Variants in ROR1 observed in about 807,000 individuals in gnomAD.
ROR1 encodes ROR family WNT receptor 1.
In ROR1, 19 loss-of-function variants were observed where a neutral mutation model predicts 78.8. The ratio of observed to expected loss-of-function variants is 0.24; its 90% CI spans 0.17 to 0.35. The LOEUF is 0.35. ROR1 is among the 10% of genes least tolerant of loss of function. ROR1 has a pLI of 1.00. For synonymous variants in ROR1, 386 were observed against 433.6 expected (o/e 0.89, Z 1.36); for missense variants, 917 against 1,177.8 (o/e 0.78, Z 3.24).
At chr1:63,926,418 A>G (rs548946714) in intron 1 of ROR1, among the ~76,000 whole-genome samples, 1 of 152,280 alleles carries the variant, frequency 6.6e-6, no homozygotes, top group Admixed American at 6.5e-5. Context: ...GTAGCCTTGT[A>G]GTATAGTTTG....
rs559772334 is a variant in ROR1, at chr1:64,173,184, G to A, written c.1387-4244G>A. On this transcript the variant is annotated intron_variant, in intron 8 of 8. Transcript: ENST00000371079. ...TTTGCTGGCAGCTGCACAGGTGTTC[G>A]AAGGGAAGATTTTGTGGACTCTGCC... Among the ~76,000 whole-genome samples, 34 of 152,238 alleles carry A rather than the reference G, an allele frequency of 2.2e-4. No individual in the cohort carries two copies. The South Asian group carries it at 6.6e-3, about 30-fold the overall frequency.
chr1:64,084,118 A>G (rs917733719), intron 4 of ROR1, among the ~76,000 whole-genome samples: 2 of 152,244 alleles, frequency 1.3e-5, no homozygotes, highest in African/African-American at 4.8e-5. Context: ...TGTAATTATC[A>G]ACAATCATAG....
intron 2 of ROR1, among the ~76,000 whole-genome samples, chr1:64,016,152 G>A (rs1263767745): frequency 6.6e-6 from 1 of 152,092 alleles, no homozygotes; most frequent in East Asian, 1.9e-4. Flanking sequence ...CTGGGCCTCA[G>A]GGTTTTCACC....
intron 1 of ROR1, among the ~76,000 whole-genome samples, chr1:63,982,366 T>G (rs1043975017): frequency 6.6e-6 from 1 of 152,200 alleles, no homozygotes; most frequent in South Asian, 2.1e-4. Context: ...CTTTGAAAAT[T>G]GCAAAGCGCT....
intron 4 of ROR1, among the ~76,000 whole-genome samples, chr1:64,093,617 T>C (rs1037963584): frequency 2.6e-5 from 4 of 151,962 alleles, no homozygotes; most frequent in Non-Finnish European, 5.9e-5. Context: ...ACCTAAGCAC[T>C]TCTAGGGAAC....
chr1:64,041,746 A>AT (rs1442647699), intron 2 of ROR1, among the ~76,000 whole-genome samples: 1 of 152,206 alleles, frequency 6.6e-6, no homozygotes, highest in African/African-American at 2.4e-5. Context: ...AGCTTGATGC[A>AT]TTAGTCCTTG....
At chr1:64,110,877 T>A (rs565823382) in intron 4 of ROR1, 1 of 152,134 alleles carries the variant, frequency 6.6e-6, no homozygotes, top group South Asian at 2.1e-4. Flanking sequence ...AAAAATACTT[T>A]CATACCATAT....
At chr1:64,063,959 C>T (rs1646937310) in intron 4 of ROR1, among the ~76,000 whole-genome samples, 1 of 152,240 alleles carries the variant, frequency 6.6e-6, no homozygotes, top group East Asian at 1.9e-4. Context: ...ACCTTTCTCT[C>T]TCTCTCTCTG....
intron 1 of ROR1, among the ~76,000 whole-genome samples, chr1:63,867,395 A>G (rs1557535340): frequency 6.6e-6 from 1 of 151,928 alleles, no homozygotes; most frequent in Non-Finnish European, 1.5e-5. Context: ...GATGGTGGAG[A>G]TGGCGAGCCC....
At chr1:63,897,189 C>T (rs1443598469) in intron 1 of ROR1, among the ~76,000 whole-genome samples, 1 of 152,200 alleles carries the variant, frequency 6.6e-6, no homozygotes, top group Non-Finnish European at 1.5e-5. Context: ...TTCTCTCTAG[C>T]AAGTTTATGG....
chr1:63,808,235 C>A (rs907076753), intron 1 of ROR1, among the ~76,000 whole-genome samples: 1 of 152,078 alleles, frequency 6.6e-6, no homozygotes, highest in Non-Finnish European at 1.5e-5. Flanking sequence ...AAAAGGAAAG[C>A]AGTGGGCCAT....
At chr1:64,135,069 C>T (rs1649057328) in intron 4 of ROR1, among the ~76,000 whole-genome samples, 2 of 152,050 alleles carry the variant, frequency 1.3e-5, no homozygotes, top group Non-Finnish European at 2.9e-5. Context: ...CAGCAGATAA[C>T]AGTACATACT....
chr1:64,091,470 T>A (rs1647196595), intron 4 of ROR1, among the ~76,000 whole-genome samples: 1 of 152,144 alleles, frequency 6.6e-6, no homozygotes, highest in African/African-American at 2.4e-5. Context: ...AGGTTGCTGA[T>A]GTAGAGGAAA....
At chr1:64,129,307 G>C (rs773930371) in intron 4 of ROR1, among the ~76,000 whole-genome samples, 37 of 152,002 alleles carry the variant, frequency 2.4e-4, no homozygotes, top group South Asian at 1.7e-3. Flanking sequence ...TTCAATCCAT[G>C]CCCAAAGGCA....
Position 64,051,029 on chromosome 1 carries a change from TATAGTGCTGGCATA to T in ROR1, c.482+314_482+327del, listed in dbSNP as rs1410194382. Reference sequence around the variant, plus strand: ...TTTGGTAAAATCAAACAAAAAATGATATAGTGCTGGCATAGGAACCTTTACTCTCAGGGTCTATG... The same window carrying T: ...TTTGGTAAAATCAAACAAAAAATGATGGAACCTTTACTCTCAGGGTCTATG... On this transcript the variant is annotated intron_variant, in intron 4 of 8. Coordinates refer to ENST00000371079, the MANE Select transcript of ROR1 (RefSeq NM_005012.4). 2.9e-4 allele frequency among the ~76,000 whole-genome samples: 44 copies of T among 152,324 alleles called. 1 individual carries two copies. The highest frequency in any genetic ancestry group is 1.1e-3 in the African/African-American group (44 of 41,582).
chr1:64,174,842 T>C (rs1650333281), intron 8 of ROR1, among the ~76,000 whole-genome samples: 1 of 152,058 alleles, frequency 6.6e-6, no homozygotes, highest in South Asian at 2.1e-4. Context: ...TAGGGTTGGC[T>C]CAACTGGTTA....
intron 1 of ROR1, among the ~76,000 whole-genome samples, chr1:63,828,529 T>G (rs1239640933): frequency 6.6e-6 from 1 of 152,224 alleles, no homozygotes; most frequent in Non-Finnish European, 1.5e-5. Flanking sequence ...TTTCACTACC[T>G]GTTTTTTCAT....
intron 1 of ROR1, among the ~76,000 whole-genome samples, chr1:63,833,206 T>C (rs1256165035): frequency 6.6e-6 from 1 of 152,230 alleles, no homozygotes; most frequent in African/African-American, 2.4e-5. Flanking sequence ...ATTATTAATA[T>C]TAATCCACTT....
intron 1 of ROR1, among the ~76,000 whole-genome samples, chr1:63,857,153 A>G (rs994705454): frequency 2.1e-5 from 3 of 144,342 alleles, no homozygotes; most frequent in Non-Finnish European, 4.4e-5. Flanking sequence ...AACAACTTTC[A>G]GAAGTTTTTT....
Sources: allele counts gnomAD v4.1 joint callset (sites outside exome capture counted in the v4.1 genomes callset), GRCh38; gene constraint gnomAD v4.1.1; transcripts MANE v1.5; gene names NCBI Gene and HGNC (gene_info 2026-07-23, HGNC 2026-07-21).